Variants in CFAP95 observed in about 807,000 individuals in gnomAD.
The protein encoded by CFAP95 is cilia- and flagella-associated protein 95.
chr9:69,896,461 T>C, the CFAP95 span, among the ~76,000 whole-genome samples: 2 of 152,198 alleles, frequency 1.3e-5, no homozygotes, highest in African/African-American at 4.8e-5. Context: ...GATTCATTAG[T>C]GGTAGAGATA....
the CFAP95 span, among the ~76,000 whole-genome samples, chr9:69,842,313 GT>G: frequency 6.6e-6 from 1 of 152,154 alleles, no homozygotes; most frequent in Non-Finnish European, 1.5e-5. Flanking sequence ...TTCTGCAGAT[GT>G]AAGCAAGGAG....
chr9:69,853,693 T>A, the CFAP95 span, among the ~76,000 whole-genome samples: 11 of 152,160 alleles, frequency 7.2e-5, no homozygotes, highest in Non-Finnish European at 1.2e-4. Context: ...GGATTAGGTT[T>A]GCCTACATGC....
chr9:69,894,309 T>C, the CFAP95 span, among the ~76,000 whole-genome samples: 1 of 152,240 alleles, frequency 6.6e-6, no homozygotes, highest in East Asian at 1.9e-4. Flanking sequence ...TTTGCTCATA[T>C]AACTCCATAG....
At chr9:69,822,395 T>C in the CFAP95 span, among the ~76,000 whole-genome samples, 1 of 152,230 alleles carries the variant, frequency 6.6e-6, no homozygotes, top group Non-Finnish European at 1.5e-5. Context: ...TGCTTTTACT[T>C]CTCAACCCTG....
the CFAP95 span, among the ~76,000 whole-genome samples, chr9:69,859,636 G>A: frequency 1.3e-5 from 2 of 152,230 alleles, no homozygotes; most frequent in Middle Eastern, 3.4e-3. Context: ...ATCTAGGTGG[G>A]TCATTATTTC....
chr9:69,900,654 C>T, the CFAP95 span, among the ~76,000 whole-genome samples: 1 of 152,202 alleles, frequency 6.6e-6, no homozygotes, highest in Non-Finnish European at 1.5e-5. Flanking sequence ...GCCCCAGCTC[C>T]AATGGTCGGC....
At chr9:69,882,625 A>G in the CFAP95 span, among the ~76,000 whole-genome samples, 1 of 152,178 alleles carries the variant, frequency 6.6e-6, no homozygotes, top group Non-Finnish European at 1.5e-5. Flanking sequence ...TGTTCTTTCT[A>G]TACTCAATTT....
the CFAP95 span, among the ~76,000 whole-genome samples, chr9:69,865,985 T>C: frequency 6.6e-6 from 1 of 152,180 alleles, no homozygotes. Flanking sequence ...GTAAATAACA[T>C]GTCCAAACTC....
chr9:69,845,356 C>T, the CFAP95 span, among the ~76,000 whole-genome samples: 2 of 152,208 alleles, frequency 1.3e-5, no homozygotes, highest in South Asian at 2.1e-4. Flanking sequence ...ACAATTTAGC[C>T]TTAGAGGATG....
chr9:69,857,990 T>C, the CFAP95 span: 2 of 1,609,782 alleles, frequency 1.2e-6, no homozygotes, highest in Non-Finnish European at 1.7e-6. Context: ...TAGTAGTCCC[T>C]AAACTGCTAC....
the CFAP95 span, among the ~76,000 whole-genome samples, chr9:69,874,920 C>T: frequency 1.4e-4 from 21 of 152,172 alleles, no homozygotes; most frequent in Non-Finnish European, 1.8e-4. Context: ...TTGATGTAGT[C>T]CAGCTCTGCT....
At chr9:69,856,425 A>G in the CFAP95 span, 685 of 538,638 alleles carry the variant, frequency 1.3e-3, 9 homozygotes, top group East Asian at 0.018. Flanking sequence ...GCTATGATCT[A>G]TTACTTATTT....
chr9:69,869,708 C>T, the CFAP95 span, among the ~76,000 whole-genome samples: 82 of 149,964 alleles, frequency 5.5e-4, no homozygotes, highest in African/African-American at 1.8e-3. Context: ...TTATGTCATG[C>T]GCTTTAAAGA....
At chr9:69,824,386 ATGCACTTTTG>A in the CFAP95 span, among the ~76,000 whole-genome samples, 1 of 151,586 alleles carries the variant, frequency 6.6e-6, no homozygotes, top group South Asian at 2.1e-4. Flanking sequence ...TTAATACTTG[ATGCACTTTTG>A]TGGTCATTTG....
At chr9:69,868,520 T>C in the CFAP95 span, among the ~76,000 whole-genome samples, 7 of 151,920 alleles carry the variant, frequency 4.6e-5, no homozygotes, top group African/African-American at 1.7e-4. Context: ...TAGCTGGGCA[T>C]GGTGGCACAT....
At chr9:69,829,064 T>C in the CFAP95 span, among the ~76,000 whole-genome samples, 1 of 152,218 alleles carries the variant, frequency 6.6e-6, no homozygotes, top group Non-Finnish European at 1.5e-5. Flanking sequence ...AAAAGGATGA[T>C]GTTATTCACA....
the CFAP95 span, among the ~76,000 whole-genome samples, chr9:69,895,324 C>A: frequency 6.9e-6 from 1 of 144,692 alleles, no homozygotes; most frequent in Non-Finnish European, 1.5e-5. Context: ...TGAGCCAATT[C>A]CTTAAAATCA....
chr9:69,904,633 C>G, the CFAP95 span, among the ~76,000 whole-genome samples: 1 of 152,152 alleles, frequency 6.6e-6, no homozygotes, highest in South Asian at 2.1e-4. Flanking sequence ...GTATTTGAGG[C>G]TCTCTTCAGT....
the CFAP95 span, chr9:69,902,366 G>T: frequency 1.5e-5 from 7 of 453,040 alleles, no homozygotes; most frequent in Non-Finnish European, 2.7e-5. Context: ...TTTGATCATT[G>T]ACATTCTAAA....
Sources: gnomAD v4.1 joint callset for allele counts (sites outside exome capture counted in the v4.1 genomes callset) on GRCh38, gnomAD v4.1.1 for gene constraint, MANE v1.5 for transcripts, NCBI Gene and HGNC (gene_info 2026-07-23, HGNC 2026-07-21) for gene names.